Variants in DGKB observed in about 807,000 individuals in gnomAD.
DGKB encodes the protein diacylglycerol kinase beta.
DGKB carries 67 observed loss-of-function variants against 114.3 expected under a neutral mutation model. The observed-to-expected ratio is 0.59, with a 90% confidence interval of 0.48 to 0.72. The LOEUF (loss-of-function observed/expected upper bound fraction) is 0.72. Ranked by LOEUF, DGKB falls within the 30% of genes least tolerant of loss-of-function variation. The pLI, the probability that DGKB is intolerant of heterozygous loss-of-function variation, is 0.00. For synonymous variants in DGKB, 398 were observed against 323.1 expected (o/e 1.23, Z -2.49); for missense variants, 907 against 975.2 (o/e 0.93, Z 0.93).
chr7:14,430,618 A>G (rs1398694568), intron 21 of DGKB, among the ~76,000 whole-genome samples: 5 of 152,198 alleles, frequency 3.3e-5, no homozygotes, highest in South Asian at 2.1e-4. Context: ...AATTATGTTC[A>G]GTGCTAAGAT....
At chr7:14,662,275 A>T (rs1012317813) in intron 13 of DGKB, among the ~76,000 whole-genome samples, 8 of 129,608 alleles carry the variant, frequency 6.2e-5, no homozygotes, top group Non-Finnish European at 7.4e-5. Context: ...AATCCAGTTT[A>T]AAAAAAAAGT....
intron 13 of DGKB, among the ~76,000 whole-genome samples, chr7:14,662,608 T>G (rs1422449866): frequency 6.6e-6 from 1 of 151,960 alleles, no homozygotes; most frequent in Non-Finnish European, 1.5e-5. Context: ...AACTAAAATA[T>G]GACTTCTTTA....
intron 1 of DGKB, among the ~76,000 whole-genome samples, chr7:14,946,492 GAATAA>G (rs1159349530): frequency 2.6e-5 from 4 of 151,572 alleles, no homozygotes; most frequent in African/African-American, 9.7e-5. Flanking sequence ...ACAGCATATA[GAATAA>G]AATAAAATCT....
In DGKB at chr7:14,536,193, T is replaced by C. The variant is rs551491924; in HGVS notation, c.1770+38019A>G. Among the ~76,000 whole-genome samples the C allele has an allele frequency of 4.6e-5, 7 of 152,224 alleles. No homozygotes were observed. In the South Asian group the frequency reaches 1.2e-3, roughly 27 times the overall value. On this transcript the variant is annotated intron_variant, in intron 20 of 25. Coordinates refer to ENST00000402815, the MANE Select transcript of DGKB (RefSeq NM_001350709.2). Reference sequence around the variant, plus strand: ...CAATAAAGAAAATCTCAGGACCAGATGGCTTCACAGGTGAATTTTACCAAA... The same window carrying C: ...CAATAAAGAAAATCTCAGGACCAGACGGCTTCACAGGTGAATTTTACCAAA...
intron 14 of DGKB, among the ~76,000 whole-genome samples, chr7:14,625,925 G>A (rs1484472989): frequency 2.0e-5 from 3 of 152,002 alleles, no homozygotes; most frequent in Admixed American, 6.6e-5. Context: ...TTTGTGATCC[G>A]TAGACTCCAC....
At chr7:14,384,860 A>C (rs1583555002) in intron 21 of DGKB, among the ~76,000 whole-genome samples, 1 of 152,194 alleles carries the variant, frequency 6.6e-6, no homozygotes, top group African/African-American at 2.4e-5. Context: ...TACAATGCAC[A>C]GGACCGCCAC....
chr7:14,831,698 C>T (rs571589080), intron 2 of DGKB, among the ~76,000 whole-genome samples: 63 of 152,096 alleles, frequency 4.1e-4, no homozygotes, highest in Non-Finnish European at 8.1e-4. Context: ...TCCTAGCATC[C>T]GAGGATCTGC....
chr7:14,542,691 C>A (rs113044809), intron 20 of DGKB, among the ~76,000 whole-genome samples: 2,571 of 152,256 alleles, frequency 0.017, 31 homozygotes, highest in Non-Finnish European at 0.022. Context: ...ATTCAAGGGT[C>A]TCTGATGCTA....
chr7:14,832,894 G>T (rs956676014), intron 2 of DGKB, among the ~76,000 whole-genome samples: 1 of 151,814 alleles, frequency 6.6e-6, no homozygotes, highest in Admixed American at 6.6e-5. Flanking sequence ...CTCCAGATAT[G>T]TATTTCCAAG....
chr7:14,644,239 C>A (rs540845476), intron 13 of DGKB, among the ~76,000 whole-genome samples: 1 of 152,218 alleles, frequency 6.6e-6, no homozygotes, highest in East Asian at 1.9e-4. Flanking sequence ...CCTATGAAAG[C>A]TACTTCAGAA....
chr7:14,291,595 A>G lies in DGKB; in HGVS notation c.2122+46920T>C, dbSNP rs76299466. On this transcript the variant is annotated intron_variant, in intron 23 of 25. Coordinates refer to ENST00000402815, the MANE Select transcript of DGKB (RefSeq NM_001350709.2). Reference sequence around the variant, plus strand: ...TTGAGGTTCTGAGGACCTGATCTCTAATAGAAGCTTGAACTCTTTCTGACA... The same window carrying G: ...TTGAGGTTCTGAGGACCTGATCTCTGATAGAAGCTTGAACTCTTTCTGACA... Among the ~76,000 whole-genome samples the G allele has an allele frequency of 4.2e-4, 64 of 151,166 alleles. No homozygotes were observed. The East Asian group carries it at 0.012, about 29-fold the overall frequency.
intron 23 of DGKB, among the ~76,000 whole-genome samples, chr7:14,199,773 A>G (rs560929771): frequency 6.6e-6 from 1 of 152,202 alleles, no homozygotes; most frequent in Admixed American, 6.6e-5. Flanking sequence ...TTATTGCTTT[A>G]AGATTTCTGA....
intron 21 of DGKB, among the ~76,000 whole-genome samples, chr7:14,363,539 T>C (rs1453783477): frequency 6.6e-6 from 1 of 152,044 alleles, no homozygotes; most frequent in Non-Finnish European, 1.5e-5. Flanking sequence ...CAGAAACCAA[T>C]AGAAAGAAGG....
At chr7:14,478,281 T>C (rs1409361562) in intron 20 of DGKB, 56 bp from the exon 21 acceptor site, 24 of 1,028,892 alleles carry the variant, frequency 2.3e-5, no homozygotes, top group Non-Finnish European at 3.0e-5. Context: ...TATTATTTTA[T>C]GAAAATGTAG....
intron 1 of DGKB, among the ~76,000 whole-genome samples, chr7:14,857,272 G>GTGTGTGTGTC (rs1318017709): frequency 2.2e-4 from 33 of 151,850 alleles, no homozygotes; most frequent in Non-Finnish European, 4.9e-4. Flanking sequence ...GTGTGTGTGT[G>GTGTGTGTGTC]TGTGTGTTGC....
intron 21 of DGKB, among the ~76,000 whole-genome samples, chr7:14,353,237 A>C (rs11973253): frequency 0.014 from 2,125 of 152,278 alleles, 45 homozygotes; most frequent in African/African-American, 0.049. Flanking sequence ...CAGAAAGGTC[A>C]TCATTAGATG....
chr7:14,714,298 G>T (rs1040150757), intron 6 of DGKB, among the ~76,000 whole-genome samples: 4 of 152,016 alleles, frequency 2.6e-5, no homozygotes, highest in Non-Finnish European at 2.9e-5. Flanking sequence ...AAAAGTTCAG[G>T]GTTTGTCTGA....
intron 1 of DGKB, among the ~76,000 whole-genome samples, chr7:14,922,396 G>A (rs907645934): frequency 6.6e-6 from 1 of 151,650 alleles, no homozygotes; most frequent in Non-Finnish European, 1.5e-5. Context: ...GTGTGTGTGT[G>A]TGTGTGTGTG....
chr7:14,214,633 A>C (rs1410498605), intron 23 of DGKB, among the ~76,000 whole-genome samples: 72 of 152,238 alleles, frequency 4.7e-4, no homozygotes, highest in Non-Finnish European at 1.9e-4. Context: ...ATCTTAAAAA[A>C]CTGCTTTTTT....
Sources: allele counts gnomAD v4.1 joint callset (sites outside exome capture counted in the v4.1 genomes callset), GRCh38; gene constraint gnomAD v4.1.1; transcripts MANE v1.5; gene names NCBI Gene and HGNC (gene_info 2026-07-23, HGNC 2026-07-21).